SIGIRR: variants seen among roughly 807,000 people sequenced by gnomAD.
SIGIRR encodes the protein single Ig IL-1-related receptor.
A neutral mutation model predicts 45.6 loss-of-function variants in SIGIRR; 41 were observed. The ratio of observed to expected loss-of-function variants is 0.90; its 90% CI spans 0.70 to 1.17. The LOEUF (loss-of-function observed/expected upper bound fraction) is 1.17, where lower values mean the gene tolerates loss of function less well. Among genes scored for constraint, SIGIRR ranks in the 50% most tolerant of loss-of-function variants. The pLI is 0.00. For missense variants in SIGIRR, 599 were observed against 539.6 expected, an observed-to-expected ratio of 1.11 and a Z score of -1.09; for synonymous variants, 298 against 239.0, an observed-to-expected ratio of 1.25 and a Z score of -2.28.
At chr11:406,235 G>A (rs367820829) in intron 9 of SIGIRR, 114 bp downstream of exon 9, 2 of 1,541,980 alleles carry the variant, frequency 1.3e-6, no homozygotes, top group East Asian at 2.4e-5. Flanking sequence ...GGCTCCCGGT[G>A]CCGGGAAGAG....
At chr11:415,692 G>A (rs1231251121), upstream of SIGIRR, among the ~76,000 whole-genome samples, 2 of 152,222 alleles carry the variant, frequency 1.3e-5, no homozygotes, top group East Asian at 3.9e-4. The surrounding 1 kb of genome is among the most constrained non-coding windows in gnomAD (Gnocchi z 6.6). Context: ...TGGGAGGGCA[G>A]CGCCCCCTTT....
In SIGIRR at chr11:408,120, C is replaced by G. The variant is rs757160590; in HGVS notation, c.293G>C (p.Cys98Ser). The G allele has an allele frequency of 6.2e-7, 1 of 1,612,830 alleles. No homozygotes were observed. The highest frequency in any genetic ancestry group is 8.5e-7 in the Non-Finnish European group (1 of 1,179,970). Residue 98 changes from cysteine (C) to serine (S), a missense_variant, in exon 4 of 10, where the codon TGC becomes TCC. Cys to Ser is a moderately radical substitution (Grantham distance 112, BLOSUM62 -1). Coordinates refer to ENST00000431843, the MANE Select transcript of SIGIRR (RefSeq NM_001135054.2). ...GGAGAAGCTGATGTTCTGGATGGAG[C>G]AGGTGAAGGCCCCATAGACTTCAGT... ...TSTEVYGAFTCSIQNISFSSF... is the reference protein window; with the variant it reads ...TSTEVYGAFTSSIQNISFSSF...
At position 406,189 on chromosome 11, in the gene SIGIRR, G is replaced by A. The variant is rs936990453; in HGVS notation, c.1070-130C>T. 15 of 1,537,766 alleles carry A rather than the reference G, an allele frequency of 9.8e-6. No homozygotes were observed. The South Asian group carries it at 1.1e-4, about 11-fold the overall frequency. On this transcript the variant is annotated intron_variant, in intron 9 of 9. Coordinates refer to ENST00000431843, the MANE Select transcript of SIGIRR (RefSeq NM_001135054.2). ...GGCCCAGGAAGTTCCCAGGCAGACCGAGGGCCGAGCACCTCCAGGGCAGAG... is the reference window on the plus strand; with the variant it reads ...GGCCCAGGAAGTTCCCAGGCAGACCAAGGGCCGAGCACCTCCAGGGCAGAG...
chr11:410,260 C>T (rs968204579), intron 1 of SIGIRR, among the ~76,000 whole-genome samples: 6 of 152,076 alleles, frequency 3.9e-5, no homozygotes, highest in Non-Finnish European at 5.9e-5. Context: ...TCCAGGATCA[C>T]CTCCACCGGC....
intron 2 of SIGIRR, chr11:409,414 T>C: frequency 3.9e-6 from 1 of 258,338 alleles, no homozygotes; most frequent in Non-Finnish European, 7.6e-6. Flanking sequence ...GTTGGCCTCA[T>C]TCCTGCCTTG....
Position 407,110 on chromosome 11 carries a change from A to ACT in SIGIRR, c.679_680insAG (p.Val227GlufsTer8). On this transcript the variant is annotated frameshift_variant, in exon 7 of 10. Coordinates refer to ENST00000431843, the MANE Select transcript of SIGIRR (RefSeq NM_001135054.2). LOFTEE classifies it high-confidence loss of function. ...CCGGCTCAGGAAGGCGTCCGAAAGC[A>ACT]CCACGATGAGGCGTCGGCAGCGGCT... The ACT allele has an allele frequency of 6.6e-7, 1 of 1,513,344 alleles. No homozygotes were observed. The highest frequency in any genetic ancestry group is 2.0e-5 in the Admixed American group (1 of 50,620). 93.7% of individuals were successfully genotyped at this position (1,513,344 alleles called of 1,614,324 possible).
chr11:413,165 C>G (rs556938258), intron 1 of SIGIRR, among the ~76,000 whole-genome samples: 1 of 152,286 alleles, frequency 6.6e-6, no homozygotes, highest in South Asian at 2.1e-4. Flanking sequence ...CAGGATTCCT[C>G]CCCGCTAAGG....
At position 407,013 on chromosome 11, in the gene SIGIRR, G is replaced by C. The variant is rs373727526; in HGVS notation, c.729-20C>G. On this transcript the variant is annotated intron_variant, in intron 7 of 9. Coordinates refer to ENST00000431843, the MANE Select transcript of SIGIRR (RefSeq NM_001135054.2). ...CCCTCCCTGCGGGGCGGGACCGTCA[G>C]GGGGGTGGGTGCTACGCTGGGGCCC... The C allele has an allele frequency of 1.3e-5, 21 of 1,588,086 alleles. No homozygotes were observed. The African/African-American group carries it at 2.6e-4, about 19-fold the overall frequency.
At chr11:411,715 TGGGGGGGG>T (rs553392063) in intron 1 of SIGIRR, among the ~76,000 whole-genome samples, 1 of 4,570 alleles carries the variant, frequency 2.2e-4, no homozygotes, top group Non-Finnish European at 4.4e-4. Flanking sequence ...ATACAGTCGG[TGGGGGGGG>T]GGGGTGCCCA....
upstream of SIGIRR, among the ~76,000 whole-genome samples, chr11:415,243 TGTGTGTGC>T (rs1403160256): frequency 6.2e-5 from 5 of 80,510 alleles, no homozygotes; most frequent in African/African-American, 2.6e-4. The surrounding 1 kb of genome is among the most constrained non-coding windows in gnomAD (Gnocchi z 6.6). Context: ...TGTGTGTGTG[TGTGTGTGC>T]AGTGTGTCTG....
At position 405,821 on chromosome 11, in the gene SIGIRR, G is replaced by A; in HGVS notation, c.*75C>T. On this transcript the variant is annotated 3_prime_UTR_variant, in exon 10 of 10. Coordinates refer to ENST00000431843, the MANE Select transcript of SIGIRR (RefSeq NM_001135054.2). Reference sequence around the variant, plus strand: ...CCCAGGGCTGCTGGCAGGGGTTGTGGTCCTGTTGAGCAGAGGAGCGACGCC... The same window carrying A: ...CCCAGGGCTGCTGGCAGGGGTTGTGATCCTGTTGAGCAGAGGAGCGACGCC... The A allele has an allele frequency of 1.3e-6, 2 of 1,509,400 alleles. No homozygotes were observed. Among genetic ancestry groups the A allele is most frequent in the South Asian group, 2.6e-5 (2 of 78,132 alleles). 93.5% of individuals were successfully genotyped at this position (1,509,400 alleles called of 1,614,324 possible).
chr11:406,909 C>T lies in SIGIRR; in HGVS notation c.813G>A (p.Pro271=), dbSNP rs745680335. The change falls in exon 8 of 10, where the codon CCG becomes CCA. Residue 271 remains proline (P), a synonymous_variant. Coordinates refer to ENST00000431843, the MANE Select transcript of SIGIRR (RefSeq NM_001135054.2). The part of the protein sequence containing the change: ...FEGQRRDPAH[P]ALRLLRQHRH... ...GGTGCTGGCGCAGCAGGCGGAGCGC[C>T]GGGTGCGCGGGGTCGCGCCTCTGGC... is the stretch of plus-strand genomic sequence containing the variant. 6.3e-7 allele frequency: 1 copy of T among 1,592,214 alleles called. No homozygotes were observed. Among genetic ancestry groups the T allele is most frequent in the South Asian group, 1.1e-5 (1 of 89,210 alleles).
In SIGIRR at chr11:409,868, C is replaced by G. The variant is rs756099785; in HGVS notation, c.7G>C (p.Gly3Arg). 2.6e-5 allele frequency: 35 copies of G among 1,332,280 alleles called. No homozygotes were observed. Among genetic ancestry groups the G allele is most frequent in the Non-Finnish European group, 3.4e-5 (35 of 1,035,090 alleles). The allele number at this position is 1,332,280 out of a possible 1,614,324, so 82.5% of individuals were successfully genotyped here. A position where few individuals can be genotyped will look rare whatever the true frequency, so the allele number is the denominator to read the frequency against. Residue 3 changes from glycine to arginine, a missense_variant and splice_region_variant, in exon 2 of 10, where the codon GGT becomes CGT. Gly to Arg is a moderately radical substitution (Grantham distance 125). Transcript: ENST00000431843. MP[G>R]VCDRAPDFLS... is the part of the protein sequence containing the mutation. ...GCCCATCCCTCTCTGACCTGCCTACCTGGCATGGCTCTGAGCCGGGGCCTC... is the reference window on the plus strand; with the variant it reads ...GCCCATCCCTCTCTGACCTGCCTACGTGGCATGGCTCTGAGCCGGGGCCTC...
Position 406,981 on chromosome 11 carries a change from G to A in SIGIRR, c.741C>T (p.Cys247=), listed in dbSNP as rs1383026701. The change falls in exon 8 of 10, where the codon TGC becomes TGT. Residue 247 remains cysteine (C), a synonymous_variant. Coordinates refer to ENST00000431843, the MANE Select transcript of SIGIRR (RefSeq NM_001135054.2). ...GTCTGCGGGTGAGCTCCAGCAGCCG[G>A]CACAGGCCCTCCCTGCGGGGCGGGA... ...WCSHSFREGL[C]RLLELTRRPI... is the part of the protein sequence containing the mutation. 1.3e-6 allele frequency: 2 copies of A among 1,599,808 alleles called. No homozygotes were observed. The highest frequency in any genetic ancestry group is 1.7e-5 in the Admixed American group (1 of 59,466).
chr11:407,121 G>GTCTT lies in SIGIRR; in HGVS notation c.668_669insAAGA (p.Leu224ArgfsTer118). The GTCTT allele has an allele frequency of 1.3e-6, 2 of 1,529,658 alleles. No homozygotes were observed. Among genetic ancestry groups the GTCTT allele is most frequent in the Admixed American group, 2.0e-5 (1 of 51,054 alleles). 94.8% of individuals were successfully genotyped at this position (1,529,658 alleles called of 1,614,324 possible). On this transcript the variant is annotated frameshift_variant, in exon 7 of 10. Coordinates refer to ENST00000431843, the MANE Select transcript of SIGIRR (RefSeq NM_001135054.2). LOFTEE classifies it high-confidence loss of function. ...AGGCGTCCGAAAGCACCACGATGAG[G>GTCTT]CGTCGGCAGCGGCTCAGGTTCACCA...
In SIGIRR at chr11:407,911, C is replaced by T. The variant is rs1847423017; in HGVS notation, c.387G>A (p.Leu129=). The T allele has an allele frequency of 3.1e-6, 5 of 1,612,142 alleles. No homozygotes were observed. In the South Asian group the frequency reaches 3.3e-5, roughly 11 times the overall value. The change falls in exon 5 of 10, where the codon CTG becomes CTA. Residue 129 remains leucine (L), a synonymous_variant. Transcript: ENST00000431843. ...GCAGGGCGGCCAGCAGCAGGGCCAG[C>T]AGGACCAGGAGGGAGGCCAGCACCG... is the stretch of plus-strand genomic sequence containing the variant. ...VAAVLASLLV[L]LALLLAALLY...
At chr11:415,296 C>T (rs73400596), upstream of SIGIRR, among the ~76,000 whole-genome samples, 2,555 of 146,228 alleles carry the variant, frequency 0.017, 85 homozygotes, top group African/African-American at 0.061. This position sits in a 1 kb window ranked among gnomAD's most constrained non-coding sequence, Gnocchi z 6.6. Flanking sequence ...TGTGCGTGTG[C>T]GTGCGTTTGT....
Position 408,800 on chromosome 11 carries a change from G to A in SIGIRR, c.101C>T (p.Ala34Val), listed in dbSNP as rs779800492. The change falls in exon 3 of 10, where the codon GCT becomes GTT. Residue 34 changes from alanine (A) to valine (V), a missense_variant. Transcript: ENST00000431843. ...LGSSVALNCTAWVVSGPHCSL... is the reference protein window; with the variant it reads ...LGSSVALNCTVWVVSGPHCSL... ...GCAGTGGGGCCCAGAGACTACCCAA[G>A]CCGTGCAGTTCAGAGCCACTGAGCT... is the stretch of plus-strand genomic sequence containing the variant. The A allele has an allele frequency of 6.2e-6, 10 of 1,612,820 alleles. No individual in the cohort carries two copies. The highest frequency in any genetic ancestry group is 8.5e-6 in the Non-Finnish European group (10 of 1,180,002).
intron 6 of SIGIRR, 59 bp downstream of exon 6, chr11:407,366 T>TGGGATGGGGCGGAGCATGGGATGGGGC: frequency 2.5e-6 from 3 of 1,221,346 alleles, no homozygotes; most frequent in Non-Finnish European, 2.1e-6. Flanking sequence ...GGACGGAGCA[T>TGGGATGGGGCGGAGCATGGGATGGGGC]GGGGCGGGGC....
Sources: allele counts gnomAD v4.1 joint callset (sites outside exome capture counted in the v4.1 genomes callset), GRCh38; gene constraint gnomAD v4.1.1; non-coding constraint Gnocchi (gnomAD v3.1); transcripts MANE v1.5; gene names NCBI Gene and HGNC (gene_info 2026-07-23, HGNC 2026-07-21).